CYTH3: variants seen among roughly 807,000 people sequenced by gnomAD.
The protein encoded by CYTH3 is cytohesin 3.
Under a neutral mutation model 55.1 loss-of-function variants are expected in CYTH3, and 23 were observed. The ratio of observed to expected loss-of-function variants is 0.42; its 90% CI spans 0.30 to 0.59. The LOEUF is 0.59. Ranked by LOEUF, CYTH3 falls within the 20% of genes least tolerant of loss-of-function variation. The probability of loss-of-function intolerance (pLI) is 0.20; values close to 1 mark genes in which losing one functional copy is unlikely to be tolerated. For synonymous variants in CYTH3, 249 were observed against 194.9 expected (o/e 1.28, Z -2.31); for missense variants, 413 against 524.8 (o/e 0.79, Z 2.08).
At chr7:6,269,826 G>C (rs1780604823) in intron 1 of CYTH3, among the ~76,000 whole-genome samples, 1 of 152,056 alleles carries the variant, frequency 6.6e-6, no homozygotes, top group African/African-American at 2.4e-5. Flanking sequence ...TATAAAAATA[G>C]CAAGTAGGAA....
chr7:6,191,863 G>C lies in CYTH3; in HGVS notation c.35-1332C>G, dbSNP rs566260086. Reference sequence around the variant, plus strand: ...AGGCCAAGGTGGGAGGATCACTTGAGGCCAGGAGTTCGAGACCAGCCTGGG... The same window carrying C: ...AGGCCAAGGTGGGAGGATCACTTGACGCCAGGAGTTCGAGACCAGCCTGGG... On this transcript the variant is annotated intron_variant, in intron 1 of 12. Coordinates refer to ENST00000350796, the MANE Select transcript of CYTH3 (RefSeq NM_004227.4). Among the ~76,000 whole-genome samples, 40 of 152,192 alleles carry C rather than the reference G, an allele frequency of 2.6e-4. 2 individuals carry two copies. The South Asian group carries it at 8.1e-3, about 31-fold the overall frequency.
intron 1 of CYTH3, among the ~76,000 whole-genome samples, chr7:6,202,123 C>T (rs1171888938): frequency 6.6e-6 from 1 of 152,224 alleles, no homozygotes; most frequent in Admixed American, 6.5e-5. Flanking sequence ...GAGAAGATGG[C>T]AGATTTGACA....
intron 1 of CYTH3, among the ~76,000 whole-genome samples, chr7:6,216,080 A>C (rs768186932): frequency 1.2e-4 from 18 of 152,242 alleles, no homozygotes; most frequent in Non-Finnish European, 2.2e-4. Flanking sequence ...ATGATCAAAG[A>C]AGTCATCTTG....
chr7:6,246,489 C>T (rs1779820023), intron 1 of CYTH3, among the ~76,000 whole-genome samples: 1 of 152,154 alleles, frequency 6.6e-6, no homozygotes, highest in Non-Finnish European at 1.5e-5. Context: ...GCGAGGAATG[C>T]ATATATCCTC....
At chr7:6,222,441 C>A (rs1397991002) in intron 1 of CYTH3, among the ~76,000 whole-genome samples, 1 of 152,104 alleles carries the variant, frequency 6.6e-6, no homozygotes, top group East Asian at 1.9e-4. Flanking sequence ...GCAAATGTTA[C>A]TCTCAACTGC....
At position 6,252,211 on chromosome 7, in the gene CYTH3, GCTTT is replaced by G. The variant is rs77425056; in HGVS notation, c.34+20259_34+20262del. Among the ~76,000 whole-genome samples, 3,804 of 152,208 alleles carry G rather than the reference GCTTT, an allele frequency of 0.025. 246 individuals are homozygous for G. In the East Asian group the frequency reaches 0.27, roughly 11 times the overall value. On this transcript the variant is annotated intron_variant, in intron 1 of 12. Transcript: ENST00000350796. ...TACTGAACAAATTTAAGAGAAACTG[GCTTT>G]CTTTCACAGATCCTTGCTATCTCTA...
chr7:6,255,758 G>GAT (rs1780084704), intron 1 of CYTH3, among the ~76,000 whole-genome samples: 2 of 89,404 alleles, frequency 2.2e-5, no homozygotes, highest in African/African-American at 9.8e-5. Flanking sequence ...CCTTTAATCT[G>GAT]TTTTTTTTTT....
intron 1 of CYTH3, among the ~76,000 whole-genome samples, chr7:6,259,373 A>G (rs901153868): frequency 2.6e-5 from 4 of 152,186 alleles, no homozygotes; most frequent in African/African-American, 4.8e-5. Context: ...ATTCTCTCCT[A>G]TTTGAACAGT....
intron 1 of CYTH3, among the ~76,000 whole-genome samples, chr7:6,253,675 G>A (rs1008727594): frequency 6.6e-6 from 1 of 152,130 alleles, no homozygotes; most frequent in African/African-American, 2.4e-5. Flanking sequence ...AATTAGCCGG[G>A]CGTGGTAGTA....
At chr7:6,259,801 AT>A (rs1466606398) in intron 1 of CYTH3, among the ~76,000 whole-genome samples, 322 of 24,026 alleles carry the variant, frequency 0.013, 10 homozygotes, top group Middle Eastern at 0.018. Flanking sequence ...ATATATATAT[AT>A]ATATATATAT....
intron 1 of CYTH3, among the ~76,000 whole-genome samples, chr7:6,247,135 G>T (rs537348704): frequency 1.3e-5 from 2 of 152,212 alleles, no homozygotes; most frequent in Non-Finnish European, 1.5e-5. Flanking sequence ...TCCAACTTCT[G>T]TATCTTCAGA....
intron 4 of CYTH3, among the ~76,000 whole-genome samples, chr7:6,179,781 CACCT>C (rs1157697275): frequency 8.0e-6 from 1 of 125,052 alleles, no homozygotes; most frequent in African/African-American, 3.3e-5. Context: ...CCACACACAC[CACCT>C]ACCACACACA....
At chr7:6,240,178 C>T (rs1413714148) in intron 1 of CYTH3, among the ~76,000 whole-genome samples, 1 of 151,280 alleles carries the variant, frequency 6.6e-6, no homozygotes, top group Non-Finnish European at 1.5e-5. Context: ...TGGTGGCAGG[C>T]ACCTGTACTC....
rs1002203699 is a variant in CYTH3 at position 6,163,079 on chromosome 7, G to C, written c.*1865C>G. ...CTCAGAACTAAAACTTCCGATTTGA[G>C]GTATCAGTAACAAAGCCTAAGAACG... is the stretch of plus-strand genomic sequence containing the variant. On this transcript the variant is annotated 3_prime_UTR_variant, in exon 13 of 13. Transcript: ENST00000350796. 6.5e-6 allele frequency: 1 copy of C among 152,716 alleles called. No homozygotes were observed. The highest frequency in any genetic ancestry group is 1.5e-5 in the Non-Finnish European group (1 of 68,068). The allele number at this position is 152,716 out of a possible 1,614,324, so 9.5% of individuals were successfully genotyped here. A position where few individuals can be genotyped will look rare whatever the true frequency, so the allele number is the denominator to read the frequency against.
chr7:6,198,734 C>G (rs1207707271), intron 1 of CYTH3, among the ~76,000 whole-genome samples: 1 of 150,316 alleles, frequency 6.7e-6, no homozygotes, highest in African/African-American at 2.5e-5. Context: ...TATAAAAAGG[C>G]ATACAATGAA....
At chr7:6,220,754 G>C (rs964662360) in intron 1 of CYTH3, among the ~76,000 whole-genome samples, 2 of 152,064 alleles carry the variant, frequency 1.3e-5, no homozygotes, top group African/African-American at 4.8e-5. Flanking sequence ...CCAGCACTTT[G>C]GGAGGCCGAG....
At chr7:6,196,035 T>C (rs901281301) in intron 1 of CYTH3, among the ~76,000 whole-genome samples, 3 of 152,198 alleles carry the variant, frequency 2.0e-5, no homozygotes, top group Non-Finnish European at 4.4e-5. Flanking sequence ...AGTTTCATCC[T>C]AAAGTCTGTC....
At chr7:6,244,344 T>C (rs1474560636) in intron 1 of CYTH3, among the ~76,000 whole-genome samples, 2 of 152,272 alleles carry the variant, frequency 1.3e-5, no homozygotes, top group East Asian at 3.8e-4. Flanking sequence ...TGCTTTTGCA[T>C]GTGCATTAAT....
At chr7:6,249,318 G>A (rs1779902594) in intron 1 of CYTH3, among the ~76,000 whole-genome samples, 1 of 152,208 alleles carries the variant, frequency 6.6e-6, no homozygotes, top group Non-Finnish European at 1.5e-5. Context: ...TACTTGGGGT[G>A]TTGGTACACA....
Sources: gnomAD v4.1 joint callset for allele counts (sites outside exome capture counted in the v4.1 genomes callset) on GRCh38, gnomAD v4.1.1 for gene constraint, MANE v1.5 for transcripts, NCBI Gene and HGNC (gene_info 2026-07-23, HGNC 2026-07-21) for gene names.